The following PPP2R5C variants were observed in gnomAD, a reference collection of about 807,000 sequenced individuals.
PPP2R5C encodes the protein protein phosphatase 2 regulatory subunit B'gamma, also known as serine/threonine-protein phosphatase 2A 56 kDa regulatory subunit gamma isoform.
Under a neutral mutation model 68.9 loss-of-function variants are expected in PPP2R5C, and 7 were observed. The observed-to-expected ratio is 0.10, with a 90% CI of 0.06 to 0.19. The LOEUF (loss-of-function observed/expected upper bound fraction) is 0.19. Among genes scored for constraint, PPP2R5C ranks in the 10% least tolerant of loss-of-function variants. PPP2R5C has a pLI of 1.00. For synonymous variants in PPP2R5C, 210 were observed against 222.2 expected (o/e 0.95, Z 0.49); for missense variants, 348 against 641.3 (o/e 0.54, Z 4.94).
At chr14:101,791,728 A>G (rs183830824) in intron 3 of PPP2R5C, among the ~76,000 whole-genome samples, 1 of 150,644 alleles carries the variant, frequency 6.6e-6, no homozygotes, top group Non-Finnish European at 1.5e-5. Flanking sequence ...ATATTTTCCT[A>G]TTCTCTTGAA....
At chr14:101,866,850 G>A (rs940295188) in intron 2 of PPP2R5C, among the ~76,000 whole-genome samples, 1 of 152,106 alleles carries the variant, frequency 6.6e-6, no homozygotes, top group Non-Finnish European at 1.5e-5. Flanking sequence ...GGGAGGCCAG[G>A]GCAGGAGGAT....
At chr14:101,887,635 C>T (rs1012461186) in intron 5 of PPP2R5C, among the ~76,000 whole-genome samples, 4 of 152,190 alleles carry the variant, frequency 2.6e-5, no homozygotes, top group South Asian at 4.1e-4. Flanking sequence ...GCCACGGCCA[C>T]GTCCAAGAGG....
rs8021418 is a variant in PPP2R5C at position 101,906,087 on chromosome 14, G to A, written c.1024-315G>A. On this transcript the variant is annotated intron_variant, in intron 9 of 13. Transcript: ENST00000334743. This position sits in a 1 kb window ranked among gnomAD's most constrained non-coding sequence, Gnocchi z 4.0. ...CTTGACCTGACAGATGGGGGAGGCG[G>A]GTGGATAGGTGGAATGGCCTCCTTT... is the stretch of plus-strand genomic sequence containing the variant. 0.11 allele frequency among the ~76,000 whole-genome samples: 17,492 copies of A among 152,194 alleles called. 1,432 individuals carry two copies. Among genetic ancestry groups the A allele is most frequent in the East Asian group, 0.3 (1,532 of 5,174 alleles).
chr14:101,810,946 A>T (rs2039323860), intron 1 of PPP2R5C, among the ~76,000 whole-genome samples: 1 of 152,166 alleles, frequency 6.6e-6, no homozygotes, highest in East Asian at 1.9e-4. Context: ...GCTTCATCAG[A>T]TCACTTTAGA....
At chr14:101,793,142 T>C (rs1167305150) in intron 3 of PPP2R5C, among the ~76,000 whole-genome samples, 1 of 152,156 alleles carries the variant, frequency 6.6e-6, no homozygotes, top group Non-Finnish European at 1.5e-5. Flanking sequence ...CCTCCCAAAG[T>C]GCTGAGATTA....
chr14:101,795,878 A>G lies in PPP2R5C; in HGVS notation c.259+9695A>G, dbSNP rs560736757. 7.3e-3 allele frequency among the ~76,000 whole-genome samples: 1,113 copies of G among 152,280 alleles called. 5 individuals are homozygous for G. The highest frequency in any genetic ancestry group is 0.014 in the Middle Eastern group (4 of 294). ...CGCTCTGTCACCCAGGCTGGAGTGC[A>G]GTGGCACAATGTCAGCTCACTGCAG... On this transcript the variant is annotated intron_variant, in intron 3 of 14. Coordinates refer to the PPP2R5C transcript ENST00000328724.
chr14:101,807,310 T>G (rs1446335458), upstream of PPP2R5C, among the ~76,000 whole-genome samples: 2 of 152,250 alleles, frequency 1.3e-5, no homozygotes, highest in Non-Finnish European at 2.9e-5. Flanking sequence ...AACATATTTC[T>G]CAGTTTGGGG....
intron 1 of PPP2R5C, among the ~76,000 whole-genome samples, chr14:101,845,883 T>C (rs968161920): frequency 6.6e-6 from 1 of 152,208 alleles, no homozygotes. Flanking sequence ...ATGGGTTGTC[T>C]CTATCCAAAC....
chr14:101,794,600 GT>G (rs2140108161), intron 3 of PPP2R5C, among the ~76,000 whole-genome samples: 1 of 152,320 alleles, frequency 6.6e-6, no homozygotes, highest in Non-Finnish European at 1.5e-5. Flanking sequence ...CTGGCATCTT[GT>G]GATGTGTGCC....
At chr14:101,761,739 C>A, upstream of PPP2R5C, 1 of 966,752 alleles carries the variant, frequency 1.0e-6, no homozygotes, top group South Asian at 4.7e-5. Flanking sequence ...CTCTGGGAGT[C>A]TGGAAAAGGG....
intron 2 of PPP2R5C, among the ~76,000 whole-genome samples, chr14:101,769,128 T>C (rs1239179719): frequency 1.3e-5 from 2 of 152,238 alleles, no homozygotes; most frequent in Non-Finnish European, 2.9e-5. Context: ...CCAGCCCCTT[T>C]CATCTTTTTA....
intron 8 of PPP2R5C, among the ~76,000 whole-genome samples, chr14:101,901,066 G>A (rs1016394708): frequency 3.9e-5 from 6 of 152,226 alleles, no homozygotes; most frequent in Non-Finnish European, 7.3e-5. Context: ...TGAAAACACT[G>A]TCTATGCATA....
At chr14:101,871,181 A>G (rs1457220426) in intron 2 of PPP2R5C, among the ~76,000 whole-genome samples, 4 of 151,686 alleles carry the variant, frequency 2.6e-5, no homozygotes, top group African/African-American at 9.7e-5. Context: ...AAGTGGGTGT[A>G]TGGTAGATAG....
intron 1 of PPP2R5C, among the ~76,000 whole-genome samples, chr14:101,847,788 G>A (rs539321959): frequency 2.6e-5 from 4 of 151,066 alleles, no homozygotes; most frequent in East Asian, 2.0e-4. Flanking sequence ...TCAGCCTCCC[G>A]AGTAACTGGG....
chr14:101,785,918 C>A, intron 2 of PPP2R5C, 100 bp from the exon 3 acceptor site: 1 of 1,117,338 alleles, frequency 8.9e-7, no homozygotes, highest in Non-Finnish European at 1.2e-6. Flanking sequence ...AAGGGGAATG[C>A]CCCAGAGTAA....
At chr14:101,828,696 T>A (rs1003790009) in intron 1 of PPP2R5C, among the ~76,000 whole-genome samples, 15 of 146,474 alleles carry the variant, frequency 1.0e-4, no homozygotes, top group Non-Finnish European at 1.4e-4. Context: ...TTTTTTTTTT[T>A]AGACAGTGTC....
chr14:101,860,216 C>G (rs1017816457), intron 2 of PPP2R5C, among the ~76,000 whole-genome samples: 1 of 152,164 alleles, frequency 6.6e-6, no homozygotes, highest in Non-Finnish European at 1.5e-5. Flanking sequence ...TCACCCACCC[C>G]CAGCCCTGAG....
chr14:101,779,874 T>C (rs897769986), intron 2 of PPP2R5C, among the ~76,000 whole-genome samples: 2 of 152,156 alleles, frequency 1.3e-5, no homozygotes, highest in Admixed American at 1.3e-4. Context: ...GTGTTCTGAT[T>C]GTCTGGTCTA....
intron 2 of PPP2R5C, among the ~76,000 whole-genome samples, chr14:101,858,921 C>T (rs1164597955): frequency 6.6e-6 from 1 of 152,168 alleles, no homozygotes; most frequent in Non-Finnish European, 1.5e-5. Context: ...ACTGGCACCA[C>T]TTAGGATACT....
Sources: gnomAD v4.1 joint callset for allele counts (sites outside exome capture counted in the v4.1 genomes callset) on GRCh38, gnomAD v4.1.1 for gene constraint, Gnocchi (gnomAD v3.1) non-coding constraint, MANE v1.5 for transcripts, NCBI Gene and HGNC (gene_info 2026-07-23, HGNC 2026-07-21) for gene names.